ORC4: variants seen among roughly 807,000 people sequenced by gnomAD.
The protein encoded by ORC4 is origin recognition complex subunit 4.
ORC4 carries 55 observed loss-of-function variants against 63.9 expected under a neutral mutation model. That is an observed-to-expected ratio of 0.86 (90% confidence interval 0.69 to 1.08). ORC4 has a LOEUF of 1.08. ORC4 is among the 50% of genes least tolerant of loss of function. The pLI is 0.00. For synonymous variants in ORC4, 150 were observed against 168.5 expected (o/e 0.89, Z 0.85); for missense variants, 511 against 504.4 (o/e 1.01, Z -0.13).
chr2:147,993,106 G>A (rs1055499328), intron 1 of ORC4, among the ~76,000 whole-genome samples: 2 of 152,126 alleles, frequency 1.3e-5, no homozygotes, highest in African/African-American at 4.8e-5. Context: ...GTATATGGCT[G>A]TCCAGACTTT....
At chr2:147,958,714 G>C (rs1241135410) in intron 5 of ORC4, 77 bp downstream of exon 5, 2 of 755,570 alleles carry the variant, frequency 2.6e-6, no homozygotes, top group South Asian at 1.5e-5. Context: ...TATTAAAATG[G>C]ATTTGAAATA....
intron 8 of ORC4, among the ~76,000 whole-genome samples, chr2:147,951,078 T>A (rs1353091600): frequency 6.6e-6 from 1 of 151,872 alleles, no homozygotes; most frequent in African/African-American, 2.4e-5. Flanking sequence ...AAGCCATGTA[T>A]CATAAGCTCT....
At chr2:147,993,019 G>A (rs1051677713) in intron 1 of ORC4, among the ~76,000 whole-genome samples, 14 of 152,164 alleles carry the variant, frequency 9.2e-5, no homozygotes, top group Admixed American at 4.6e-4. Context: ...TTCCATACCC[G>A]GAAGGAAAGA....
chr2:147,976,652 C>T (rs1690575043), intron 1 of ORC4, among the ~76,000 whole-genome samples: 1 of 152,074 alleles, frequency 6.6e-6, no homozygotes, highest in South Asian at 2.1e-4. Flanking sequence ...AAAACCTTCC[C>T]TTTCTTGCTC....
At chr2:147,991,687 G>T (rs1691619404) in intron 1 of ORC4, among the ~76,000 whole-genome samples, 1 of 152,036 alleles carries the variant, frequency 6.6e-6, no homozygotes, top group African/African-American at 2.4e-5. Context: ...AATTAGCCAG[G>T]TGTCGTGGTG....
At chr2:148,003,887 A>G (rs1056296268) in intron 1 of ORC4, among the ~76,000 whole-genome samples, 3 of 152,242 alleles carry the variant, frequency 2.0e-5, no homozygotes, top group Admixed American at 1.3e-4. Flanking sequence ...AATCTCCTTG[A>G]GCTGATAAGC....
At chr2:147,955,744 A>G (rs1374935190) in intron 6 of ORC4, among the ~76,000 whole-genome samples, 1 of 152,056 alleles carries the variant, frequency 6.6e-6, no homozygotes, top group African/African-American at 2.4e-5. Context: ...TAGAATTGCC[A>G]TATTCTAAAT....
In ORC4 at chr2:147,938,966, T is replaced by A. The variant is rs540106581; in HGVS notation, c.958+174A>T. The stretch of plus-strand genomic sequence containing the variant: ...AAGAGGCAGAGCGTCAAATTTTTTT[T>A]TCACTTTAAATGGGAGTGATAGTAC... On this transcript the variant is annotated intron_variant, in intron 11 of 13. Transcript: ENST00000392857. Among the ~76,000 whole-genome samples, 3 of 152,292 alleles carry A rather than the reference T, an allele frequency of 2.0e-5. No homozygotes were observed. The East Asian group carries it at 5.8e-4, about 29-fold the overall frequency.
intron 1 of ORC4, among the ~76,000 whole-genome samples, chr2:147,980,868 T>C (rs552806465): frequency 2.6e-5 from 4 of 152,108 alleles, no homozygotes; most frequent in Non-Finnish European, 5.9e-5. Flanking sequence ...TGAATATCCA[T>C]CAATATATAC....
At chr2:147,996,339 T>C (rs1691972769) in intron 1 of ORC4, among the ~76,000 whole-genome samples, 5 of 152,024 alleles carry the variant, frequency 3.3e-5, no homozygotes, top group Admixed American at 2.6e-4. Flanking sequence ...ATTCCAAAAA[T>C]GTAACACAAA....
At chr2:147,997,065 C>T (rs1005417387) in intron 1 of ORC4, among the ~76,000 whole-genome samples, 2 of 152,030 alleles carry the variant, frequency 1.3e-5, no homozygotes, top group South Asian at 2.1e-4. Flanking sequence ...TGGAATCTTA[C>T]TCAGCATGTA....
At chr2:147,994,210 C>T (rs2105411094) in intron 1 of ORC4, among the ~76,000 whole-genome samples, 1 of 152,150 alleles carries the variant, frequency 6.6e-6, no homozygotes, top group South Asian at 2.1e-4. Flanking sequence ...TTCAAGAAAT[C>T]AAAGAAAGTC....
At chr2:147,980,626 G>A (rs925657260) in intron 1 of ORC4, among the ~76,000 whole-genome samples, 1 of 152,144 alleles carries the variant, frequency 6.6e-6, no homozygotes, top group African/African-American at 2.4e-5. Flanking sequence ...CTAATTGTCA[G>A]GGATTTTCAG....
intron 1 of ORC4, among the ~76,000 whole-genome samples, chr2:148,001,748 C>T (rs533639364): frequency 2.6e-5 from 4 of 152,256 alleles, no homozygotes; most frequent in African/African-American, 2.4e-5. Flanking sequence ...GTACCAAATT[C>T]ACACATAACA....
At chr2:147,949,787 A>T (rs1014031265) in intron 8 of ORC4, among the ~76,000 whole-genome samples, 2 of 152,232 alleles carry the variant, frequency 1.3e-5, no homozygotes, top group African/African-American at 4.8e-5. Context: ...ATTAGTCTGT[A>T]GTAATTGAAT....
Position 147,972,802 on chromosome 2 carries a change from A to G in ORC4, c.162T>C (p.Thr54=), listed in dbSNP as rs775288305. 8 of 1,610,926 alleles carry G rather than the reference A, an allele frequency of 5.0e-6. No homozygotes were observed. Among genetic ancestry groups the G allele is most frequent in the Non-Finnish European group, 6.8e-6 (8 of 1,177,442 alleles). The change falls in exon 4 of 14, where the codon ACT becomes ACC. Residue 54 remains threonine (T), a synonymous_variant. Transcript: ENST00000392857. ...YKHLSELLKR[T]ALHGESNSVL... is the part of the protein sequence containing the mutation. Reference sequence around the variant, plus strand: ...CAGAGTTACTCTCTCCATGGAGAGCAGTTCTTTTCAGCAGCTCACTTAAGT... The same window carrying G: ...CAGAGTTACTCTCTCCATGGAGAGCGGTTCTTTTCAGCAGCTCACTTAAGT...
chr2:147,977,741 T>C (rs1167446096), intron 1 of ORC4, among the ~76,000 whole-genome samples: 1 of 152,214 alleles, frequency 6.6e-6, no homozygotes, highest in African/African-American at 2.4e-5. Context: ...GACCTCGGTC[T>C]GTACAGTGGA....
At chr2:148,005,001 T>C (rs1692537803) in intron 1 of ORC4, among the ~76,000 whole-genome samples, 1 of 152,194 alleles carries the variant, frequency 6.6e-6, no homozygotes, top group South Asian at 2.1e-4. Context: ...AATGTGGCGA[T>C]TCCTCAAGGA....
chr2:147,966,461 A>G (rs918282271), intron 4 of ORC4, among the ~76,000 whole-genome samples: 2 of 152,094 alleles, frequency 1.3e-5, no homozygotes, highest in African/African-American at 4.8e-5. Flanking sequence ...CACTGAAACA[A>G]AAGTTGCTTA....
Sources: gnomAD v4.1 joint callset for allele counts (sites outside exome capture counted in the v4.1 genomes callset) on GRCh38, gnomAD v4.1.1 for gene constraint, MANE v1.5 for transcripts, NCBI Gene and HGNC (gene_info 2026-07-23, HGNC 2026-07-21) for gene names.